Variants in CDH12 observed in about 807,000 individuals in gnomAD.
The protein encoded by CDH12 is cadherin-12.
CDH12 carries 41 observed loss-of-function variants against 74.1 expected under a neutral mutation model. That is an observed-to-expected ratio of 0.55 (90% CI 0.43 to 0.72). The LOEUF (loss-of-function observed/expected upper bound fraction) is 0.72. Ranked by LOEUF, CDH12 falls within the 30% of genes least tolerant of loss-of-function variation. The pLI is 0.00. For synonymous variants in CDH12, 399 were observed against 355.0 expected, an observed-to-expected ratio of 1.12 and a Z score of -1.39; for missense variants, 945 against 977.2, an observed-to-expected ratio of 0.97 and a Z score of 0.44.
intron 2 of CDH12, among the ~76,000 whole-genome samples, chr5:22,466,842 G>A (rs1408344928): frequency 1.6e-5 from 2 of 122,526 alleles, no homozygotes; most frequent in South Asian, 2.7e-4. Flanking sequence ...AGGCTGGAGT[G>A]CAATGGCGCA....
chr5:22,212,354 G>A (rs1751591796), intron 4 of CDH12, 144 bp downstream of exon 4: 1 of 274,962 alleles, frequency 3.6e-6, no homozygotes, highest in Non-Finnish European at 5.5e-6. Flanking sequence ...CTCCAACGCC[G>A]TTTTCACTCC....
intron 4 of CDH12, among the ~76,000 whole-genome samples, chr5:22,087,466 CCT>C (rs1272821675): frequency 6.6e-6 from 1 of 151,874 alleles, no homozygotes; most frequent in Admixed American, 6.6e-5. Flanking sequence ...ATGGTGAAAC[CCT>C]GTCTCTACTA....
At chr5:22,617,190 G>T (rs1447985376) in intron 1 of CDH12, among the ~76,000 whole-genome samples, 1 of 151,904 alleles carries the variant, frequency 6.6e-6, no homozygotes, top group Non-Finnish European at 1.5e-5. Flanking sequence ...ACACCCTTAA[G>T]AAAGAGGCCC....
Position 21,802,593 on chromosome 5 carries a change from CT to C in CDH12, c.1003-174del, listed in dbSNP as rs35742047. 2.3e-3 allele frequency among the ~76,000 whole-genome samples: 281 copies of C among 120,188 alleles called. 1 individual carries two copies. Among genetic ancestry groups the C allele is most frequent in the East Asian group, 0.014 (57 of 4,100 alleles). The allele number at this position is 120,188 out of a possible 152,430, so 78.8% of individuals were successfully genotyped here. ...AGCACAAGGCAAACCATTTTTTTTT[CT>C]TTTTTTTTTTTTTTTGAGACAGAGT... On this transcript the variant is annotated intron_variant, in intron 9 of 14. Coordinates refer to ENST00000382254, the MANE Select transcript of CDH12 (RefSeq NM_004061.5).
intron 11 of CDH12, among the ~76,000 whole-genome samples, chr5:21,771,074 G>A (rs1185053383): frequency 6.6e-6 from 1 of 152,100 alleles, no homozygotes; most frequent in Non-Finnish European, 1.5e-5. Context: ...CAGAGAGTGG[G>A]AGGAGGGTGA....
At chr5:22,093,842 G>A (rs995255756) in intron 4 of CDH12, among the ~76,000 whole-genome samples, 14 of 152,156 alleles carry the variant, frequency 9.2e-5, no homozygotes, top group Non-Finnish European at 1.5e-5. Flanking sequence ...ATTTTGGGCT[G>A]TAATTAGTGG....
intron 3 of CDH12, among the ~76,000 whole-genome samples, chr5:22,273,434 T>C (rs2150401642): frequency 6.6e-6 from 1 of 152,292 alleles, no homozygotes; most frequent in African/African-American, 2.4e-5. Context: ...TAAAATGAAG[T>C]ATCCCTGTAA....
At chr5:21,997,176 C>G (rs538433088) in intron 5 of CDH12, among the ~76,000 whole-genome samples, 1 of 152,184 alleles carries the variant, frequency 6.6e-6, no homozygotes, top group African/African-American at 2.4e-5. Context: ...CAAACAGGTT[C>G]AGAGTCTGGG....
chr5:22,061,262 T>C (rs1747027446), intron 5 of CDH12, among the ~76,000 whole-genome samples: 1 of 152,158 alleles, frequency 6.6e-6, no homozygotes, highest in Admixed American at 6.6e-5. Context: ...TATTATACAG[T>C]GTATTGATTA....
intron 1 of CDH12, among the ~76,000 whole-genome samples, chr5:22,617,679 T>A (rs1255048266): frequency 6.6e-6 from 1 of 152,138 alleles, no homozygotes; most frequent in Non-Finnish European, 1.5e-5. Flanking sequence ...AACATCCAGG[T>A]TCTACATGGT....
intron 4 of CDH12, among the ~76,000 whole-genome samples, chr5:22,082,983 T>A (rs551514476): frequency 6.6e-6 from 1 of 152,232 alleles, no homozygotes; most frequent in Non-Finnish European, 1.5e-5. Context: ...GTTTACTAGA[T>A]ATTTATTTAG....
chr5:22,784,283 T>G (rs1380401603), intron 1 of CDH12, among the ~76,000 whole-genome samples: 1 of 152,156 alleles, frequency 6.6e-6, no homozygotes, highest in African/African-American at 2.4e-5. Flanking sequence ...TTACAATGTA[T>G]AGACTTCTTT....
At chr5:22,359,149 G>A (rs1740690935) in intron 3 of CDH12, among the ~76,000 whole-genome samples, 1 of 152,072 alleles carries the variant, frequency 6.6e-6, no homozygotes, top group African/African-American at 2.4e-5. Context: ...TGGATAAAGA[G>A]TCAAGACTCA....
intron 1 of CDH12, among the ~76,000 whole-genome samples, chr5:22,557,440 G>A (rs906748493): frequency 2.0e-5 from 3 of 152,042 alleles, no homozygotes; most frequent in African/African-American, 7.2e-5. Context: ...TTTTACAGGT[G>A]ACCAAACAAG....
chr5:22,339,140 G>C (rs1005054414), intron 3 of CDH12, among the ~76,000 whole-genome samples: 1 of 152,106 alleles, frequency 6.6e-6, no homozygotes, highest in Admixed American at 6.5e-5. Context: ...ACAAATGTTT[G>C]TTTTTTTAAG....
At chr5:21,852,550 G>A (rs79537715) in intron 7 of CDH12, among the ~76,000 whole-genome samples, 16 of 151,072 alleles carry the variant, frequency 1.1e-4, no homozygotes, top group African/African-American at 3.9e-4. Flanking sequence ...CATCCTTTAC[G>A]TTTAAATTTA....
Position 22,358,206 on chromosome 5 carries a change from C to T in CDH12, c.-333+47051G>A, listed in dbSNP as rs564618171. 6.9e-4 allele frequency among the ~76,000 whole-genome samples: 105 copies of T among 152,096 alleles called. 1 individual carries two copies. Among genetic ancestry groups the T allele is most frequent in the African/African-American group, 2.4e-3 (100 of 41,522 alleles). ...GGTGGATCCCTTGAGGTCAGGAGTT[C>T]GAGACTAGCCTAGCCAACATGACAA... On this transcript the variant is annotated intron_variant, in intron 3 of 14. Transcript: ENST00000382254.
chr5:22,835,973 A>G (rs1465915259), intron 1 of CDH12, among the ~76,000 whole-genome samples: 1 of 152,126 alleles, frequency 6.6e-6, no homozygotes, highest in Admixed American at 6.6e-5. Context: ...GGAAACTGCA[A>G]TCTTCCTTTG....
intron 4 of CDH12, among the ~76,000 whole-genome samples, chr5:22,126,287 A>C (rs912021554): frequency 3.9e-5 from 6 of 152,130 alleles, no homozygotes; most frequent in Non-Finnish European, 8.8e-5. Flanking sequence ...GGAAACCTGG[A>C]GTCATCAGCT....
Sources: gnomAD v4.1 joint callset for allele counts (sites outside exome capture counted in the v4.1 genomes callset) on GRCh38, gnomAD v4.1.1 for gene constraint, MANE v1.5 for transcripts, NCBI Gene and HGNC (gene_info 2026-07-23, HGNC 2026-07-21) for gene names.